Variants in CDC42SE2 observed in about 807,000 individuals in gnomAD.
CDC42SE2 encodes the protein CDC42 small effector 2.
Under a neutral mutation model 11.5 loss-of-function variants are expected in CDC42SE2, and 3 were observed. That is an observed-to-expected ratio of 0.26 (90% confidence interval 0.12 to 0.67). The LOEUF (loss-of-function observed/expected upper bound fraction) is 0.67. Ranked by LOEUF, CDC42SE2 falls within the 30% of genes least tolerant of loss-of-function variation. The pLI is 0.80. For synonymous variants in CDC42SE2, 33 were observed against 34.8 expected, an observed-to-expected ratio of 0.95 and a Z score of 0.18; for missense variants, 82 against 106.8, an observed-to-expected ratio of 0.77 and a Z score of 1.02.
chr5:131,302,225 G>C (rs1580740872), intron 1 of CDC42SE2, among the ~76,000 whole-genome samples: 1 of 151,410 alleles, frequency 6.6e-6, no homozygotes, highest in Non-Finnish European at 1.5e-5. Flanking sequence ...TGTTGCCCAG[G>C]CTGGAGTGCA....
At chr5:131,250,698 A>C (rs1039839444) in intron 1 of CDC42SE2, among the ~76,000 whole-genome samples, 9 of 152,192 alleles carry the variant, frequency 5.9e-5, no homozygotes, top group African/African-American at 2.2e-4. Flanking sequence ...CAAAACATAT[A>C]ATAAAAAGAG....
chr5:131,335,117 T>G (rs1201139831), intron 2 of CDC42SE2, among the ~76,000 whole-genome samples: 6 of 152,292 alleles, frequency 3.9e-5, no homozygotes, highest in Non-Finnish European at 2.9e-5. Context: ...GCTATAAATT[T>G]CCCTCTACAC....
chr5:131,285,080 G>A (rs568225527), intron 1 of CDC42SE2, among the ~76,000 whole-genome samples: 1 of 151,452 alleles, frequency 6.6e-6, no homozygotes, highest in South Asian at 2.1e-4. Flanking sequence ...TTGAGCCCTG[G>A]AGTTTGAGAC....
intron 1 of CDC42SE2, among the ~76,000 whole-genome samples, chr5:131,301,311 A>G (rs139316916): frequency 1.3e-5 from 2 of 152,172 alleles, no homozygotes; most frequent in African/African-American, 4.8e-5. Context: ...TATAGCTTCA[A>G]ATAGCTAAAA....
At chr5:131,249,217 C>G (rs1003196466) in intron 1 of CDC42SE2, among the ~76,000 whole-genome samples, 1 of 151,502 alleles carries the variant, frequency 6.6e-6, no homozygotes, top group Admixed American at 6.6e-5. Flanking sequence ...TGGGTTTCAC[C>G]ATGTTAACTA....
At chr5:131,297,862 G>A (rs1757604005) in intron 1 of CDC42SE2, among the ~76,000 whole-genome samples, 1 of 151,802 alleles carries the variant, frequency 6.6e-6, no homozygotes, top group Non-Finnish European at 1.5e-5. Flanking sequence ...GTTTCTTTTG[G>A]CTTTTCACAC....
chr5:131,226,579 A>G, the CDC42SE2 span, among the ~76,000 whole-genome samples: 122 of 152,362 alleles, frequency 8.0e-4, no homozygotes, highest in East Asian at 8.7e-3. Context: ...TGTAGAGATT[A>G]CAGAACACTG....
At chr5:131,254,082 C>CGT (rs1756661178) in intron 1 of CDC42SE2, among the ~76,000 whole-genome samples, 1 of 152,114 alleles carries the variant, frequency 6.6e-6, no homozygotes, top group Non-Finnish European at 1.5e-5. Context: ...ATGTGCACAA[C>CGT]GTGCGGGTTT....
intron 2 of CDC42SE2, among the ~76,000 whole-genome samples, chr5:131,351,406 C>T (rs892771288): frequency 3.9e-5 from 6 of 152,146 alleles, no homozygotes; most frequent in Non-Finnish European, 8.8e-5. Context: ...AGGTGCCTGC[C>T]ACCACGCCCA....
At chr5:131,388,837 A>T (rs78968873) in intron 4 of CDC42SE2, among the ~76,000 whole-genome samples, 5,037 of 151,990 alleles carry the variant, frequency 0.033, 132 homozygotes, top group Non-Finnish European at 0.047. Context: ...ACAAACAAAG[A>T]TTTTGTGTTT....
In CDC42SE2 at chr5:131,273,767, CAA is replaced by C. The variant is rs768842175; in HGVS notation, c.-455+9616_-455+9617del. ...CAGCCTGGCGACAGAGACTCCGTCT[CAA>C]AAAAAAAAAAAAAAGTTTTTTTTTC... On this transcript the variant is annotated intron_variant, in intron 1 of 4. Transcript: ENST00000505065. 3.0e-3 allele frequency among the ~76,000 whole-genome samples: 304 copies of C among 100,404 alleles called. 1 individual carries two copies. Among genetic ancestry groups the C allele is most frequent in the African/African-American group, 9.6e-3 (275 of 28,612 alleles). The allele number at this position is 100,404 out of a possible 152,430, so 65.9% of individuals were successfully genotyped here.
At position 131,290,368 on chromosome 5, in the gene CDC42SE2, T is replaced by A. The variant is rs574630150; in HGVS notation, c.-454-25608T>A. Among the ~76,000 whole-genome samples the A allele has an allele frequency of 1.4e-3, 219 of 152,326 alleles. 7 individuals carry two copies. The South Asian group carries it at 0.043, about 30-fold the overall frequency. Reference sequence around the variant, plus strand: ...TTAAGGGAACAGCTTATCTTCTGCCTTAATTGGTATCGTGTATTTATCTTT... The same window carrying A: ...TTAAGGGAACAGCTTATCTTCTGCCATAATTGGTATCGTGTATTTATCTTT... On this transcript the variant is annotated intron_variant, in intron 1 of 4. Transcript: ENST00000505065.
intron 1 of CDC42SE2, among the ~76,000 whole-genome samples, chr5:131,315,266 A>G (rs1046015675): frequency 1.3e-5 from 2 of 152,188 alleles, no homozygotes; most frequent in Non-Finnish European, 2.9e-5. Context: ...ACCTGAGGTC[A>G]CACAGCTAGT....
chr5:131,345,890 A>G (rs914347502), intron 2 of CDC42SE2, among the ~76,000 whole-genome samples: 1 of 152,230 alleles, frequency 6.6e-6, no homozygotes. Context: ...TTTCATATCC[A>G]GCCAAACTAA....
chr5:131,221,539 G>A, the CDC42SE2 span, among the ~76,000 whole-genome samples: 2 of 151,514 alleles, frequency 1.3e-5, no homozygotes, highest in African/African-American at 4.8e-5. Flanking sequence ...AGTGAGAAAT[G>A]TGACCCCACC....
chr5:131,366,307 C>T (rs149786533), intron 3 of CDC42SE2, among the ~76,000 whole-genome samples: 1 of 152,310 alleles, frequency 6.6e-6, no homozygotes, highest in East Asian at 1.9e-4. Context: ...GTGGAACAGA[C>T]AGGTTCTGGT....
Position 131,352,910 on chromosome 5 carries a change from A to G in CDC42SE2, c.-285-6299A>G, listed in dbSNP as rs371101948. Among the ~76,000 whole-genome samples, 15 of 152,222 alleles carry G rather than the reference A, an allele frequency of 9.9e-5. No individual in the cohort carries two copies. In the South Asian group the frequency reaches 2.9e-3, roughly 29 times the overall value. ...TAGCAAGGGTGTTCACTCGTACTTA[A>G]TTCTGTGTTTTGCATTTCCACTTCT... On this transcript the variant is annotated intron_variant, in intron 2 of 4. Coordinates refer to ENST00000505065, the MANE Select transcript of CDC42SE2 (RefSeq NM_001375635.1).
At chr5:131,228,007 A>G in the CDC42SE2 span, among the ~76,000 whole-genome samples, 1 of 152,218 alleles carries the variant, frequency 6.6e-6, no homozygotes. Flanking sequence ...GGCCCTGTCC[A>G]TGGTTAGTAG....
At chr5:131,234,590 C>G in the CDC42SE2 span, among the ~76,000 whole-genome samples, 1 of 149,774 alleles carries the variant, frequency 6.7e-6, no homozygotes, top group Non-Finnish European at 1.5e-5. Flanking sequence ...GTGCCAAGAT[C>G]GTGCCACTGC....
Sources: allele counts gnomAD v4.1 joint callset (sites outside exome capture counted in the v4.1 genomes callset), GRCh38; gene constraint gnomAD v4.1.1; transcripts MANE v1.5; gene names NCBI Gene and HGNC (gene_info 2026-07-23, HGNC 2026-07-21).